Variants in SPHKAP observed in about 807,000 individuals in gnomAD.
SPHKAP encodes A-kinase anchor protein SPHKAP.
Under a neutral mutation model 137.5 loss-of-function variants are expected in SPHKAP, and 67 were observed. The observed-to-expected ratio is 0.49, with a 90% CI of 0.40 to 0.60. SPHKAP has a LOEUF of 0.60. Among genes scored for constraint, SPHKAP ranks in the 20% least tolerant of loss-of-function variants. The probability of loss-of-function intolerance (pLI) is 0.00; values close to 1 mark genes in which losing one functional copy is unlikely to be tolerated. For missense variants in SPHKAP, 2,097 were observed against 2,069.3 expected, an observed-to-expected ratio of 1.01 and a Z score of -0.26; for synonymous variants, 813 against 785.3, an observed-to-expected ratio of 1.04 and a Z score of -0.59.
At chr2:228,027,381 TCTAA>T in intron 4 of SPHKAP, 99 bp downstream of exon 4, 2 of 1,195,876 alleles carry the variant, frequency 1.7e-6, no homozygotes, top group East Asian at 2.4e-5. Context: ...AATGAAACTA[TCTAA>T]CTAAAGAGTC....
chr2:228,170,450 A>G lies in SPHKAP; in HGVS notation c.32+11117T>C, dbSNP rs530902009. On this transcript the variant is annotated intron_variant, in intron 1 of 11. Transcript: ENST00000392056. ...TACAGAGGAGTTTTTCATGAAAAGC[A>G]GAGTCAATCTGTGGAGCAAGCATTT... 3.1e-4 allele frequency among the ~76,000 whole-genome samples: 47 copies of G among 152,246 alleles called. 1 individual carries two copies. Among genetic ancestry groups the G allele is most frequent in the African/African-American group, 1.1e-3 (45 of 41,564 alleles).
At chr2:227,995,863 A>C in intron 7 of SPHKAP, 169 bp from the exon 8 acceptor site, 1 of 921,440 alleles carries the variant, frequency 1.1e-6, no homozygotes, top group Non-Finnish European at 1.3e-6. Context: ...TTGCCTTTTC[A>C]GGATTACTCC....
At chr2:228,063,612 A>G (rs1376697948) in intron 3 of SPHKAP, among the ~76,000 whole-genome samples, 1 of 152,204 alleles carries the variant, frequency 6.6e-6, no homozygotes, top group African/African-American at 2.4e-5. Flanking sequence ...CTGTGAGCTC[A>G]CTATGCTTCT....
intron 4 of SPHKAP, among the ~76,000 whole-genome samples, chr2:228,026,818 C>T (rs1397672928): frequency 6.6e-5 from 10 of 152,110 alleles, no homozygotes; most frequent in South Asian, 6.2e-4. Flanking sequence ...TGTCAGTAAC[C>T]GAGTAATTGC....
At chr2:228,167,341 A>G (rs1374016937) in intron 1 of SPHKAP, among the ~76,000 whole-genome samples, 1 of 152,210 alleles carries the variant, frequency 6.6e-6, no homozygotes, top group Non-Finnish European at 1.5e-5. Flanking sequence ...ATAGTGTAAC[A>G]GAATGCCAGA....
chr2:228,179,238 C>A (rs186359427), intron 1 of SPHKAP, among the ~76,000 whole-genome samples: 1 of 152,246 alleles, frequency 6.6e-6, no homozygotes, highest in East Asian at 1.9e-4. Context: ...TGTTTTCAGA[C>A]TTGGACATCA....
intron 1 of SPHKAP, among the ~76,000 whole-genome samples, chr2:228,167,097 A>G (rs528235539): frequency 1.3e-5 from 2 of 152,260 alleles, no homozygotes; most frequent in South Asian, 2.1e-4. Flanking sequence ...ACCAGGCCTC[A>G]CCTCCAACAC....
rs1199064328 is a variant in SPHKAP at position 227,980,493 on chromosome 2, G to T, written c.*1224C>A. 1 of 152,162 alleles carries T rather than the reference G, an allele frequency of 6.6e-6. No individual in the cohort carries two copies. The highest frequency in any genetic ancestry group is 2.4e-5 in the African/African-American group (1 of 41,428). 9.4% of individuals were successfully genotyped at this position (152,162 alleles called of 1,614,324 possible). A position where few individuals can be genotyped will look rare whatever the true frequency, so the allele number is the denominator to read the frequency against. Reference sequence around the variant, plus strand: ...GATCAAGAAAATAAAAGTCCGTGTAGGTCATTTAGTTGGAAGGAAAGAAGA... The same window carrying T: ...GATCAAGAAAATAAAAGTCCGTGTATGTCATTTAGTTGGAAGGAAAGAAGA... On this transcript the variant is annotated 3_prime_UTR_variant, in exon 12 of 12. Transcript: ENST00000392056.
chr2:228,138,611 C>T (rs1005642102), intron 1 of SPHKAP, among the ~76,000 whole-genome samples: 2 of 152,086 alleles, frequency 1.3e-5, no homozygotes, highest in Non-Finnish European at 2.9e-5. Flanking sequence ...GAAACTATTA[C>T]CAAACCTTGA....
Position 228,019,932 on chromosome 2 carries a change from A to T in SPHKAP, c.922T>A (p.Trp308Arg). 2 of 1,614,030 alleles carry T rather than the reference A, an allele frequency of 1.2e-6. No individual in the cohort carries two copies. The stretch of plus-strand genomic sequence containing the variant: ...CCATTCCCCACAGCTTCTCTTTTCC[A>T]CTGTGATGGCTTGGCTGAGGGATCT... ...SLDPSAKPSQ[W>R]KREAVGNGRQ... Residue 308 changes from tryptophan (W) to arginine (R), a missense_variant, in exon 7 of 12, where the codon TGG (tryptophan) becomes AGG (arginine). Transcript: ENST00000392056.
intron 3 of SPHKAP, among the ~76,000 whole-genome samples, chr2:228,086,591 C>A (rs1020173371): frequency 2.6e-4 from 39 of 152,228 alleles, no homozygotes; most frequent in Non-Finnish European, 2.8e-4. Flanking sequence ...GATAAGAATG[C>A]CATGACCACC....
intron 3 of SPHKAP, among the ~76,000 whole-genome samples, chr2:228,072,509 C>T (rs926242555): frequency 2.6e-5 from 4 of 152,036 alleles, no homozygotes; most frequent in Non-Finnish European, 5.9e-5. Flanking sequence ...ACCCCAAATC[C>T]GTGTTTTACA....
intron 1 of SPHKAP, among the ~76,000 whole-genome samples, chr2:228,140,843 C>A (rs1699584683): frequency 6.6e-6 from 1 of 152,000 alleles, no homozygotes; most frequent in Admixed American, 6.6e-5. Flanking sequence ...TGTGACATGC[C>A]CACTCCCCCT....
At chr2:228,130,386 A>G (rs1223560162) in intron 2 of SPHKAP, among the ~76,000 whole-genome samples, 2 of 152,168 alleles carry the variant, frequency 1.3e-5, no homozygotes, top group Admixed American at 6.5e-5. Flanking sequence ...TGCTGTAAAC[A>G]TTTCACATCT....
Position 228,016,544 on chromosome 2 carries a change from T to C in SPHKAP, c.4310A>G (p.Glu1437Gly). 2 of 1,614,140 alleles carry C rather than the reference T, an allele frequency of 1.2e-6. No individual in the cohort carries two copies. Among genetic ancestry groups the C allele is most frequent in the Non-Finnish European group, 8.5e-7 (1 of 1,180,036 alleles). ...GGGTTCAGGTTCCCCAGCACAGGCT[T>C]CTCTCTGATCTGTTTCAATCTGAAT... Reference protein sequence around the residue: ...PLIQIETDQREACAGEPEPFL... With the variant: ...PLIQIETDQRGACAGEPEPFL... Residue 1437 changes from glutamate (E) to glycine (G), a missense_variant, in exon 7 of 12, where the codon GAA (glutamate) becomes GGA (glycine). By Grantham distance (98) the Glu-to-Gly change is moderately conservative (BLOSUM62 -2). Transcript: ENST00000392056.
At chr2:228,001,437 A>G (rs1693877767) in intron 7 of SPHKAP, among the ~76,000 whole-genome samples, 2 of 122,332 alleles carry the variant, frequency 1.6e-5, no homozygotes, top group Admixed American at 1.8e-4. Context: ...ATATATAAAT[A>G]TATATATGTA....
At chr2:228,130,437 T>C (rs939686687) in intron 2 of SPHKAP, among the ~76,000 whole-genome samples, 17 of 152,314 alleles carry the variant, frequency 1.1e-4, no homozygotes, top group African/African-American at 3.8e-4. Context: ...ATAAAATACA[T>C]AATACTATTT....
chr2:228,017,876 CT>C lies in SPHKAP; in HGVS notation c.2977del (p.Arg993GlyfsTer25), dbSNP rs1324606047. 1 of 1,614,042 alleles carries C rather than the reference CT, an allele frequency of 6.2e-7. No homozygotes were observed. The highest frequency in any genetic ancestry group is 8.5e-7 in the Non-Finnish European group (1 of 1,179,996). ...KESQGSGTAV[R>X]KHKPPRLSEI... ...ACTGAGCCGGGGAGGCTTGTGTTTC[CT>C]CACAGCGGTCCCGCTCCCCTGGCTC... On this transcript the variant is annotated frameshift_variant, in exon 7 of 12. Transcript: ENST00000392056. LOFTEE classifies it high-confidence loss of function.
intron 3 of SPHKAP, among the ~76,000 whole-genome samples, chr2:228,028,223 G>T (rs1695134443): frequency 6.6e-6 from 1 of 152,090 alleles, no homozygotes; most frequent in African/African-American, 2.4e-5. Context: ...GTTTGTAATT[G>T]CAATAAATAC....
Sources: gnomAD v4.1 joint callset for allele counts (sites outside exome capture counted in the v4.1 genomes callset) on GRCh38, gnomAD v4.1.1 for gene constraint, MANE v1.5 for transcripts, NCBI Gene and HGNC (gene_info 2026-07-23, HGNC 2026-07-21) for gene names.